Variants in PCDHA13 observed in about 807,000 individuals in gnomAD.
PCDHA13 encodes protocadherin alpha 13.
A neutral mutation model predicts 64.8 loss-of-function variants in PCDHA13; 54 were observed. The observed-to-expected ratio is 0.83, with a 90% CI of 0.67 to 1.04. The LOEUF is 1.04. PCDHA13 is among the 50% of genes least tolerant of loss of function. The probability of loss-of-function intolerance (pLI) is 0.00; values close to 1 mark genes in which losing one functional copy is unlikely to be tolerated. For synonymous variants in PCDHA13, 587 were observed against 564.4 expected, an observed-to-expected ratio of 1.04 and a Z score of -0.57; for missense variants, 1,248 against 1,254.3, an observed-to-expected ratio of 0.99 and a Z score of 0.08.
At position 140,995,103 on chromosome 5, in the gene PCDHA13, C is replaced by T. The variant is rs535399594; in HGVS notation, c.2542+12540C>T. Reference sequence around the variant, plus strand: ...CAAACTTATCTGTGGAGATACATTCCAAGACCCTCAGTGGATGCCTGAAAC... The same window carrying T: ...CAAACTTATCTGTGGAGATACATTCTAAGACCCTCAGTGGATGCCTGAAAC... On this transcript the variant is annotated intron_variant, in intron 3 of 3. Coordinates refer to ENST00000289272, the MANE Select transcript of PCDHA13 (RefSeq NM_018904.3). 1.1e-4 allele frequency among the ~76,000 whole-genome samples: 16 copies of T among 152,290 alleles called. No individual in the cohort carries two copies. In the South Asian group the frequency reaches 2.9e-3, roughly 28 times the overall value.
intron 1 of PCDHA13, among the ~76,000 whole-genome samples, chr5:140,915,626 G>GTCTCTC (rs57920489): frequency 0.011 from 1,557 of 146,506 alleles, 25 homozygotes; most frequent in African/African-American, 0.018. Flanking sequence ...GTCTCTTTCT[G>GTCTCTC]TCTCTCTCTC....
At chr5:140,955,990 T>C (rs246015) in intron 1 of PCDHA13, among the ~76,000 whole-genome samples, 48,106 of 152,064 alleles carry the variant, frequency 0.32, 7,958 homozygotes, top group East Asian at 0.53. Context: ...TTTTTGCACA[T>C]TGATTTTGTA....
chr5:140,969,310 T>C, intron 1 of PCDHA13: 2 of 1,614,198 alleles, frequency 1.2e-6, no homozygotes, highest in East Asian at 2.2e-5. Context: ...TTCTCAAAAA[T>C]GAGGCTGTTT....
At chr5:141,000,899 C>T (rs1013993633) in intron 3 of PCDHA13, among the ~76,000 whole-genome samples, 18 of 151,966 alleles carry the variant, frequency 1.2e-4, no homozygotes, top group African/African-American at 2.7e-4. Flanking sequence ...CAGATATAGA[C>T]GCTGTCTCTA....
Position 140,999,346 on chromosome 5 carries a change from T to C in PCDHA13, c.2543-10281T>C, listed in dbSNP as rs115221132. ...ATCTGTGTGATTTATAAGCCTTGTC[T>C]CTTTTTAATGTTCACAATCCCATTA... On this transcript the variant is annotated intron_variant, in intron 3 of 3. Transcript: ENST00000289272. Among the ~76,000 whole-genome samples the C allele has an allele frequency of 2.6e-3, 399 of 152,360 alleles. 2 individuals are homozygous for C. In the Middle Eastern group the frequency reaches 0.041, roughly 16 times the overall value.
At chr5:140,972,275 G>A (rs548735122) in intron 1 of PCDHA13, among the ~76,000 whole-genome samples, 1 of 150,974 alleles carries the variant, frequency 6.6e-6, no homozygotes, top group African/African-American at 2.4e-5. Flanking sequence ...GAGTAGCTTG[G>A]ACCATAGATG....
Position 140,882,471 on chromosome 5 carries a change from C to A in PCDHA13, c.203C>A (p.Ser68Tyr). The A allele has an allele frequency of 6.2e-7, 1 of 1,614,024 alleles. No individual in the cohort carries two copies. The highest frequency in any genetic ancestry group is 1.3e-5 in the African/African-American group (1 of 75,050). Residue 68 changes from serine to tyrosine, a missense_variant, in exon 1 of 4, where the codon TCC (serine) becomes TAC (tyrosine). Ser to Tyr is a moderately radical substitution (Grantham distance 144). Transcript: ENST00000289272. ...GTGCCGCGCCTGTTCCGGGTGGCGTCCAAAAGACACGGGGACCTTCTGGAG... is the reference window on the plus strand; with the variant it reads ...GTGCCGCGCCTGTTCCGGGTGGCGTACAAAAGACACGGGGACCTTCTGGAG... ...ELVPRLFRVA[S>Y]KRHGDLLEVN... is the part of the protein sequence containing the mutation.
Position 140,883,261 on chromosome 5 carries a change from G to A in PCDHA13, c.993G>A (p.Ala331=), listed in dbSNP as rs148578758. The A allele has an allele frequency of 8.1e-5, 131 of 1,613,912 alleles. No individual in the cohort carries two copies. In the African/African-American group the frequency reaches 1.7e-3, roughly 21 times the overall value. Residue 331 remains alanine, a synonymous_variant, in exon 1 of 4, where the codon GCG becomes GCA. Transcript: ENST00000289272. Reference sequence around the variant, plus strand: ...TTGACAAAGGAAATATTCCAATGGCGGGTCATTGTACCCTTTTGGTGGAAG... The same window carrying A: ...TTGACAAAGGAAATATTCCAATGGCAGGTCATTGTACCCTTTTGGTGGAAG... The part of the protein sequence containing the change: ...EAVDKGNIPM[A]GHCTLLVEVL...
intron 1 of PCDHA13, chr5:140,927,928 T>C: frequency 6.2e-7 from 1 of 1,614,214 alleles, no homozygotes; most frequent in Non-Finnish European, 8.5e-7. Context: ...CCTGACTCTT[T>C]CGAACCCAGT....
rs146340581 is a variant in PCDHA13, at chr5:140,957,263, C to T, written c.2395-21686C>T. On this transcript the variant is annotated intron_variant, in intron 1 of 3. Transcript: ENST00000289272. ...TCTACCTAAAATTTAAATATGTAAG[C>T]ACTAGTCCCCCCTTACCTGCAGTTT... Among the ~76,000 whole-genome samples, 73 of 152,260 alleles carry T rather than the reference C, an allele frequency of 4.8e-4. No homozygotes were observed. In the East Asian group the frequency reaches 0.01, roughly 22 times the overall value.
intron 1 of PCDHA13, among the ~76,000 whole-genome samples, chr5:140,945,224 T>C (rs1563213002): frequency 6.6e-6 from 1 of 152,016 alleles, no homozygotes; most frequent in Non-Finnish European, 1.5e-5. Context: ...ATAAAAATAC[T>C]TAGGAATAAA....
In PCDHA13 at chr5:140,937,572, G is replaced by C. The variant is rs113857647; in HGVS notation, c.2395-41377G>C. On this transcript the variant is annotated intron_variant, in intron 1 of 3. Transcript: ENST00000289272. ...GCAGAGGTTGCAGTGAGCTGGGATC[G>C]CGTCACTGCACTCTAGCCTGGGCAA... Among the ~76,000 whole-genome samples, 273 of 151,500 alleles carry C rather than the reference G, an allele frequency of 1.8e-3. 1 individual carries two copies. Among genetic ancestry groups the C allele is most frequent in the African/African-American group, 6.4e-3 (263 of 41,048 alleles).
At chr5:140,917,037 GCA>G (rs2077840325) in intron 1 of PCDHA13, among the ~76,000 whole-genome samples, 1 of 152,268 alleles carries the variant, frequency 6.6e-6, no homozygotes, top group African/African-American at 2.4e-5. Context: ...GCTGAGTCCA[GCA>G]CAGTGTTGTT....
intron 3 of PCDHA13, among the ~76,000 whole-genome samples, chr5:140,995,400 C>T (rs2097681723): frequency 6.6e-6 from 1 of 152,062 alleles, no homozygotes; most frequent in Admixed American, 6.6e-5. Flanking sequence ...CGGGATGGCT[C>T]GAGATTTCAT....
At chr5:140,969,930 C>T (rs1200018667) in intron 1 of PCDHA13, among the ~76,000 whole-genome samples, 1 of 152,178 alleles carries the variant, frequency 6.6e-6, no homozygotes, top group Non-Finnish European at 1.5e-5. Flanking sequence ...AGTATTTAGA[C>T]ATCATACTGA....
intron 3 of PCDHA13, among the ~76,000 whole-genome samples, chr5:140,986,901 A>G (rs1289100953): frequency 6.6e-6 from 1 of 152,134 alleles, no homozygotes; most frequent in Non-Finnish European, 1.5e-5. Context: ...GCCCTATCCT[A>G]GACTAATGAA....
intron 1 of PCDHA13, among the ~76,000 whole-genome samples, chr5:140,960,274 C>A (rs1291069063): frequency 6.6e-6 from 1 of 152,130 alleles, no homozygotes. Context: ...ATTCCGTCAC[C>A]TTTTTGGGAC....
intron 1 of PCDHA13, among the ~76,000 whole-genome samples, chr5:140,925,189 C>T (rs1488098385): frequency 1.3e-5 from 2 of 152,116 alleles, no homozygotes; most frequent in Non-Finnish European, 1.5e-5. Context: ...TACCATCACC[C>T]AGCTTCAATA....
chr5:140,916,367 C>G (rs1400347792), intron 1 of PCDHA13, among the ~76,000 whole-genome samples: 1 of 152,196 alleles, frequency 6.6e-6, no homozygotes, highest in Non-Finnish European at 1.5e-5. Flanking sequence ...GAGTCTTTCA[C>G]TGTAGCCACC....
Sources: allele counts gnomAD v4.1 joint callset (sites outside exome capture counted in the v4.1 genomes callset), GRCh38; gene constraint gnomAD v4.1.1; transcripts MANE v1.5; gene names NCBI Gene and HGNC (gene_info 2026-07-23, HGNC 2026-07-21).